NAALADL2: variants seen among roughly 807,000 people sequenced by gnomAD.
The protein encoded by NAALADL2 is N-acetylated alpha-linked acidic dipeptidase like 2, also known as inactive N-acetylated-alpha-linked acidic dipeptidase-like protein 2.
A neutral mutation model predicts 87.2 loss-of-function variants in NAALADL2; 76 were observed. The ratio of observed to expected loss-of-function variants is 0.87; its 90% confidence interval spans 0.72 to 1.05. The LOEUF (loss-of-function observed/expected upper bound fraction) is 1.05, where lower values mean the gene tolerates loss of function less well. NAALADL2 is among the 50% of genes least tolerant of loss of function. NAALADL2 has a pLI of 0.00. For missense variants in NAALADL2, 1,089 were observed against 945.8 expected (o/e 1.15, Z -1.99); for synonymous variants, 354 against 331.0 (o/e 1.07, Z -0.75).
intron 2 of NAALADL2, among the ~76,000 whole-genome samples, chr3:174,632,746 C>T (rs1000913100): frequency 6.6e-6 from 1 of 151,652 alleles, no homozygotes; most frequent in Non-Finnish European, 1.5e-5. Flanking sequence ...CCATCCTGGT[C>T]AAATATGGTA....
chr3:174,781,251 T>C (rs138193235), intron 3 of NAALADL2, among the ~76,000 whole-genome samples: 3,745 of 152,050 alleles, frequency 0.025, 157 homozygotes, highest in African/African-American at 0.085. Flanking sequence ...CTGACAATTA[T>C]GTGTCTTGAG....
At chr3:174,620,698 T>C (rs1720913905) in intron 2 of NAALADL2, among the ~76,000 whole-genome samples, 1 of 151,960 alleles carries the variant, frequency 6.6e-6, no homozygotes, top group African/African-American at 2.4e-5. Context: ...GTACCAAGGG[T>C]TCAGGAGATC....
chr3:174,938,078 A>G (rs1737978921), intron 1 of NAALADL2, among the ~76,000 whole-genome samples: 2 of 151,956 alleles, frequency 1.3e-5, no homozygotes, highest in Admixed American at 1.3e-4. Context: ...TTATACAGGT[A>G]AACTCCCGTC....
chr3:174,926,598 C>A (rs985994667), intron 1 of NAALADL2, among the ~76,000 whole-genome samples: 2 of 151,950 alleles, frequency 1.3e-5, no homozygotes, highest in African/African-American at 4.8e-5. Flanking sequence ...TCATATCCAG[C>A]CAAACTAAGC....
At chr3:175,301,569 G>C (rs1757091902) in intron 4 of NAALADL2, among the ~76,000 whole-genome samples, 2 of 152,104 alleles carry the variant, frequency 1.3e-5, no homozygotes, top group South Asian at 4.1e-4. Context: ...ATAGTCAATT[G>C]GCTGTGATTT....
intron 1 of NAALADL2, among the ~76,000 whole-genome samples, chr3:174,508,118 T>TTTTTTGTTTGTTTG (rs1553775295): frequency 7.1e-5 from 10 of 141,374 alleles, no homozygotes; most frequent in Admixed American, 2.8e-4. Context: ...CTAGTGGTTT[T>TTTTTTGTTTGTTTG]TTTTTTTTTT....
At chr3:175,040,846 A>G (rs1753996624) in intron 1 of NAALADL2, among the ~76,000 whole-genome samples, 1 of 152,146 alleles carries the variant, frequency 6.6e-6, no homozygotes. Context: ...ATTCTGCACT[A>G]AGTTATACAG....
chr3:174,669,979 GTATTT>G (rs1560132309), intron 2 of NAALADL2, among the ~76,000 whole-genome samples: 2 of 151,854 alleles, frequency 1.3e-5, no homozygotes, highest in African/African-American at 4.8e-5. Context: ...TTATTTCTAA[GTATTT>G]TATTCTTTTT....
At chr3:175,751,016 CA>C (rs1420968425) in intron 12 of NAALADL2, among the ~76,000 whole-genome samples, 1 of 149,744 alleles carries the variant, frequency 6.7e-6, no homozygotes. Flanking sequence ...AAGTTAATTT[CA>C]TTTGTCTCAA....
At chr3:175,521,444 C>T (rs1023095277) in intron 9 of NAALADL2, among the ~76,000 whole-genome samples, 6 of 151,832 alleles carry the variant, frequency 4.0e-5, no homozygotes, top group Non-Finnish European at 7.4e-5. Flanking sequence ...ATTCTGCTTT[C>T]GATGCTAAGT....
intron 1 of NAALADL2, among the ~76,000 whole-genome samples, chr3:175,012,000 G>T (rs1235965393): frequency 6.6e-6 from 1 of 152,010 alleles, no homozygotes; most frequent in Admixed American, 6.6e-5. Context: ...TAATCTTTAG[G>T]AAAAGCACAA....
intron 3 of NAALADL2, among the ~76,000 whole-genome samples, chr3:174,790,757 TA>T (rs1717369706): frequency 6.6e-6 from 1 of 152,190 alleles, no homozygotes; most frequent in African/African-American, 2.4e-5. Context: ...TGTAAATCAT[TA>T]ACATACCAAT....
At chr3:174,510,432 G>T (rs1334283826) in intron 1 of NAALADL2, among the ~76,000 whole-genome samples, 1 of 151,942 alleles carries the variant, frequency 6.6e-6, no homozygotes, top group African/African-American at 2.4e-5. Context: ...TTTGAGAATG[G>T]TTATTTGTAT....
At chr3:175,125,496 C>T (rs1560059488) in intron 2 of NAALADL2, among the ~76,000 whole-genome samples, 1 of 151,912 alleles carries the variant, frequency 6.6e-6, no homozygotes, top group East Asian at 1.9e-4. Context: ...AGGGGTGGTG[C>T]AAAGATATTG....
intron 5 of NAALADL2, among the ~76,000 whole-genome samples, chr3:175,368,755 T>G (rs12634318): frequency 6.6e-6 from 1 of 151,846 alleles, no homozygotes; most frequent in African/African-American, 2.4e-5. Context: ...AACAACTAGG[T>G]TATGTCGTAT....
chr3:174,938,533 A>G (rs1738052104), intron 1 of NAALADL2, among the ~76,000 whole-genome samples: 1 of 152,074 alleles, frequency 6.6e-6, no homozygotes, highest in Admixed American at 6.6e-5. Flanking sequence ...TTCTCTGGGT[A>G]TACACCCAAT....
intron 1 of NAALADL2, among the ~76,000 whole-genome samples, chr3:174,877,631 A>G (rs1728671169): frequency 6.6e-6 from 1 of 152,222 alleles, no homozygotes; most frequent in African/African-American, 2.4e-5. Flanking sequence ...CAGCTTCCTT[A>G]GGTTTAAGAG....
intron 1 of NAALADL2, among the ~76,000 whole-genome samples, chr3:174,967,400 T>G (rs1743036386): frequency 1.3e-5 from 2 of 151,952 alleles, no homozygotes; most frequent in African/African-American, 2.4e-5. Flanking sequence ...AAAAAGGAAT[T>G]TATTTTAGAA....
At chr3:174,782,677 G>C (rs1190728915) in intron 3 of NAALADL2, among the ~76,000 whole-genome samples, 2 of 152,084 alleles carry the variant, frequency 1.3e-5, no homozygotes, top group African/African-American at 4.8e-5. Flanking sequence ...TGGCTGGGAA[G>C]GCCTCAGGAA....
Sources: gnomAD v4.1 joint callset for allele counts (sites outside exome capture counted in the v4.1 genomes callset) on GRCh38, gnomAD v4.1.1 for gene constraint, MANE v1.5 for transcripts, NCBI Gene and HGNC (gene_info 2026-07-23, HGNC 2026-07-21) for gene names.